PRICKLE2: variants seen among roughly 807,000 people sequenced by gnomAD.
PRICKLE2 encodes prickle planar cell polarity protein 2, also known as prickle-like protein 2.
Under a neutral mutation model 81.4 loss-of-function variants are expected in PRICKLE2, and 21 were observed. The observed-to-expected ratio is 0.26, with a 90% CI of 0.18 to 0.37. PRICKLE2 has a LOEUF of 0.37. Ranked by LOEUF, PRICKLE2 falls within the 10% of genes least tolerant of loss-of-function variation. The pLI, the probability that PRICKLE2 is intolerant of heterozygous loss-of-function variation, is 1.00. For synonymous variants in PRICKLE2, 456 were observed against 421.5 expected (o/e 1.08, Z -1.00); for missense variants, 940 against 1,109.0 (o/e 0.85, Z 2.16).
rs377308950 is a variant in PRICKLE2 at position 64,265,535 on chromosome 3, A to G, written c.129-66568T>C. Among the ~76,000 whole-genome samples, 13 of 152,292 alleles carry G rather than the reference A, an allele frequency of 8.5e-5. No individual in the cohort carries two copies. The South Asian group carries it at 1.9e-3, about 22-fold the overall frequency. On this transcript the variant is annotated intron_variant, in intron 2 of 8. Transcript: ENST00000295902. ...GCCTGGGGAGCACAGCATCTCTGAG[A>G]TTTGGTTTTCTAAATTATTTTTAAA...
chr3:64,107,602 G>C (rs2076777049), intron 7 of PRICKLE2, among the ~76,000 whole-genome samples: 1 of 152,122 alleles, frequency 6.6e-6, no homozygotes, highest in African/African-American at 2.4e-5. Flanking sequence ...AGCGCTTTGG[G>C]AAGCTGAGGT....
chr3:64,266,497 C>T (rs572766305), intron 2 of PRICKLE2, among the ~76,000 whole-genome samples: 4 of 152,260 alleles, frequency 2.6e-5, no homozygotes, highest in East Asian at 1.9e-4. Context: ...TCCCTAACCC[C>T]CACTTTTTGG....
At chr3:64,235,159 AC>A (rs1311140266) in intron 2 of PRICKLE2, among the ~76,000 whole-genome samples, 1 of 151,762 alleles carries the variant, frequency 6.6e-6, no homozygotes, top group African/African-American at 2.4e-5. Context: ...CTACTCTTGA[AC>A]CCCTCTAGTC....
At chr3:64,225,539 G>T, upstream of PRICKLE2, 1 of 665,296 alleles carries the variant, frequency 1.5e-6, no homozygotes, top group Non-Finnish European at 1.9e-6. Context: ...GTCCCATCCT[G>T]CTGCCCAGTG....
chr3:64,129,316 T>C (rs1575570486), intron 7 of PRICKLE2, among the ~76,000 whole-genome samples: 1 of 152,340 alleles, frequency 6.6e-6, no homozygotes, highest in Non-Finnish European at 1.5e-5. Context: ...GATGACATCA[T>C]GTATATGCTT....
At chr3:64,138,559 C>T (rs188597373) in intron 7 of PRICKLE2, among the ~76,000 whole-genome samples, 17 of 152,290 alleles carry the variant, frequency 1.1e-4, no homozygotes, top group Admixed American at 1.1e-3. Context: ...GAAACCGAGT[C>T]CTGATGACAT....
chr3:64,225,517 C>T (rs116071865), upstream of PRICKLE2: 30 of 923,740 alleles, frequency 3.2e-5, no homozygotes, highest in Non-Finnish European at 3.6e-5. Context: ...AAGTCAGTCA[C>T]GGCATCTGGA....
chr3:64,181,994 A>C (rs1242089120), intron 2 of PRICKLE2, among the ~76,000 whole-genome samples: 1 of 152,192 alleles, frequency 6.6e-6, no homozygotes, highest in Non-Finnish European at 1.5e-5. Context: ...GAGCTTTGTT[A>C]AAAGTGATAG....
At chr3:64,139,382 C>T (rs2077326426) in intron 7 of PRICKLE2, among the ~76,000 whole-genome samples, 1 of 152,224 alleles carries the variant, frequency 6.6e-6, no homozygotes, top group African/African-American at 2.4e-5. Context: ...TTTCCTCTGT[C>T]TCCCAGGACC....
chr3:64,228,759 C>T (rs989995510), upstream of PRICKLE2, among the ~76,000 whole-genome samples: 1 of 152,006 alleles, frequency 6.6e-6, no homozygotes, highest in Non-Finnish European at 1.5e-5. Context: ...ATTTGTGAAG[C>T]GGAGGACACT....
chr3:64,094,178 T>C lies in PRICKLE2; in HGVS notation c.*4873A>G, dbSNP rs1196359055. The C allele has an allele frequency of 2.0e-5, 3 of 152,106 alleles. No homozygotes were observed. The highest frequency in any genetic ancestry group is 1.3e-4 in the Admixed American group (2 of 15,260). 9.4% of individuals were successfully genotyped at this position (152,106 alleles called of 1,614,324 possible). On this transcript the variant is annotated 3_prime_UTR_variant, in exon 8 of 8. Transcript: ENST00000638394. ...TTTAGGAGAGGAAAACCTGCCGAAG[T>C]CCTAATTTGCTAAAAAAAAATTAAT...
intron 6 of PRICKLE2, among the ~76,000 whole-genome samples, chr3:64,149,745 T>G (rs1474204490): frequency 6.6e-6 from 1 of 152,290 alleles, no homozygotes; most frequent in Middle Eastern, 3.4e-3. Flanking sequence ...CAGCCTACCT[T>G]TCTCCTCCCT....
chr3:64,160,481 A>G (rs2077714823), intron 3 of PRICKLE2, among the ~76,000 whole-genome samples: 1 of 152,228 alleles, frequency 6.6e-6, no homozygotes, highest in Non-Finnish European at 1.5e-5. Context: ...GTGCCCATGC[A>G]AGTGATCCTT....
chr3:64,156,862 T>C (rs2077643833), intron 5 of PRICKLE2, among the ~76,000 whole-genome samples: 1 of 152,142 alleles, frequency 6.6e-6, no homozygotes, highest in African/African-American at 2.4e-5. Context: ...TTTTGTTTTG[T>C]TTTGTTTTTA....
intron 7 of PRICKLE2, among the ~76,000 whole-genome samples, chr3:64,129,407 T>C (rs945609112): frequency 2.6e-5 from 4 of 152,198 alleles, no homozygotes; most frequent in Non-Finnish European, 5.9e-5. Flanking sequence ...GCTTCACAGC[T>C]GTTAGCTCTA....
At position 64,147,183 on chromosome 3, in the gene PRICKLE2, C is replaced by T. The variant is rs140007626; in HGVS notation, c.1307G>A (p.Gly436Glu). The change falls in exon 7 of 8, where the codon GGG becomes GAG. Residue 436 changes from glycine to glutamate, a missense_variant. Physicochemically the swap from Gly to Glu is moderately conservative, Grantham distance 98. Around this residue, in one of 2 missense-constraint regions of PRICKLE2, gnomAD observed 670 missense variants for 717.2 expected, o/e 0.93. Transcript: ENST00000638394. This position sits in a 1 kb window ranked among gnomAD's most constrained non-coding sequence, Gnocchi z 5.0. Reference sequence around the variant, plus strand: ...CTTGCCCCACATTTCGGGCTGGGCCCCAGCCCCTTGCCCTCCTGGACTGTA... The same window carrying T: ...CTTGCCCCACATTTCGGGCTGGGCCTCAGCCCCTTGCCCTCCTGGACTGTA... ...TSYSPGGQGA[G>E]AQPEMWGKHF... 7.4e-6 allele frequency: 12 copies of T among 1,613,682 alleles called. No individual in the cohort carries two copies. Among genetic ancestry groups the T allele is most frequent in the African/African-American group, 2.7e-5 (2 of 74,874 alleles).
At chr3:64,181,521 T>G (rs2078134311) in intron 2 of PRICKLE2, among the ~76,000 whole-genome samples, 1 of 152,152 alleles carries the variant, frequency 6.6e-6, no homozygotes, top group South Asian at 2.1e-4. Flanking sequence ...TTCTCTTTGT[T>G]GCCTATAGCA....
intron 2 of PRICKLE2, among the ~76,000 whole-genome samples, chr3:64,258,573 C>A (rs1361626022): frequency 2.0e-5 from 3 of 151,812 alleles, no homozygotes; most frequent in African/African-American, 7.3e-5. Context: ...GTAATCCCAG[C>A]ACTTTGGGAG....
At position 64,178,989 on chromosome 3, in the gene PRICKLE2, T is replaced by TTC. The variant is rs577327617; in HGVS notation, c.145-15862_145-15861dup. ...TTTCTTTCTTTCTTTCTTTCTTTCT[T>TTC]TCTTTCTTTCTTTCTTTCTTTCTTT... On this transcript the variant is annotated intron_variant, in intron 2 of 7. Coordinates refer to ENST00000638394, the MANE Select transcript of PRICKLE2 (RefSeq NM_198859.4). 7.7e-4 allele frequency among the ~76,000 whole-genome samples: 112 copies of TTC among 145,276 alleles called. 1 individual carries two copies. The highest frequency in any genetic ancestry group is 3.5e-3 in the Middle Eastern group (1 of 288).
Sources: allele counts gnomAD v4.1 joint callset (sites outside exome capture counted in the v4.1 genomes callset), GRCh38; gene constraint gnomAD v4.1.1; regional missense constraint gnomAD v4.1.1; non-coding constraint Gnocchi (gnomAD v3.1); transcripts MANE v1.5; gene names NCBI Gene and HGNC (gene_info 2026-07-23, HGNC 2026-07-21).